CCDC138: variants seen among roughly 807,000 people sequenced by gnomAD.
The protein encoded by CCDC138 is coiled-coil domain containing 138.
Under a neutral mutation model 82.3 loss-of-function variants are expected in CCDC138, and 66 were observed. The ratio of observed to expected loss-of-function variants is 0.80; its 90% CI spans 0.66 to 0.98. The LOEUF (loss-of-function observed/expected upper bound fraction) is 0.98, where lower values mean the gene tolerates loss of function less well. Ranked by LOEUF, CCDC138 falls within the 50% of genes least tolerant of loss-of-function variation. The pLI is 0.00. For missense variants in CCDC138, 816 were observed against 758.9 expected (o/e 1.08, Z -0.88); for synonymous variants, 297 against 265.4 (o/e 1.12, Z -1.16).
intron 13 of CCDC138, among the ~76,000 whole-genome samples, chr2:108,865,573 A>T (rs531854679): frequency 2.0e-5 from 3 of 152,320 alleles, no homozygotes; most frequent in Admixed American, 2.0e-4. Context: ...GCCCTGACAG[A>T]AATTCTGGGA....
At chr2:108,876,837 AT>A (rs1361972384), downstream of CCDC138, among the ~76,000 whole-genome samples, 9 of 152,202 alleles carry the variant, frequency 5.9e-5, no homozygotes, top group African/African-American at 2.2e-4. Context: ...AAGGCAAGAC[AT>A]TTTTTAAACA....
intron 5 of CCDC138, among the ~76,000 whole-genome samples, chr2:108,797,539 G>A (rs1288509123): frequency 6.6e-6 from 1 of 152,134 alleles, no homozygotes; most frequent in Admixed American, 6.5e-5. Context: ...GAGGAGGTGA[G>A]TGGGTGGGGC....
At chr2:108,789,584 C>T (rs1679556850) in intron 3 of CCDC138, among the ~76,000 whole-genome samples, 1 of 152,102 alleles carries the variant, frequency 6.6e-6, no homozygotes, top group Non-Finnish European at 1.5e-5. Context: ...ATGAGCAAAA[C>T]TGTCCTGAAG....
chr2:108,806,815 A>G (rs1225332836), intron 7 of CCDC138, among the ~76,000 whole-genome samples: 2 of 152,236 alleles, frequency 1.3e-5, no homozygotes, highest in African/African-American at 4.8e-5. Flanking sequence ...TAATAATTTA[A>G]AAGCATTTCT....
chr2:108,880,602 C>T (rs559316983), downstream of CCDC138, among the ~76,000 whole-genome samples: 73 of 152,286 alleles, frequency 4.8e-4, no homozygotes, highest in African/African-American at 1.7e-3. Flanking sequence ...ATTTGCCATT[C>T]TGTAAATCCT....
intron 3 of CCDC138, 87 bp from the exon 4 acceptor site, chr2:108,791,588 T>C (rs1679917058): frequency 6.9e-7 from 1 of 1,439,116 alleles, no homozygotes; most frequent in South Asian, 1.2e-5. Flanking sequence ...TTCTCAGTTA[T>C]GCTGTTAATA....
intron 6 of CCDC138, 112 bp from the exon 7 acceptor site, chr2:108,804,777 A>T: frequency 9.7e-7 from 1 of 1,027,396 alleles, no homozygotes; most frequent in Non-Finnish European, 1.3e-6. Flanking sequence ...TACACTGATT[A>T]AAGTTTTTGT....
chr2:108,806,180 G>A (rs1388627107), intron 7 of CCDC138, among the ~76,000 whole-genome samples: 1 of 152,064 alleles, frequency 6.6e-6, no homozygotes, highest in Non-Finnish European at 1.5e-5. Flanking sequence ...TTAGACTTAT[G>A]AATTTGACAG....
chr2:108,880,660 A>G (rs139728240), downstream of CCDC138, among the ~76,000 whole-genome samples: 19 of 152,256 alleles, frequency 1.2e-4, no homozygotes, highest in Admixed American at 7.8e-4. Flanking sequence ...TACTCTATAA[A>G]TGGAAGAACA....
At chr2:108,848,876 T>G (rs1283492210) in intron 12 of CCDC138, among the ~76,000 whole-genome samples, 1 of 152,196 alleles carries the variant, frequency 6.6e-6, no homozygotes, top group Non-Finnish European at 1.5e-5. Context: ...TGCTTCCCTG[T>G]GCAAGTCATT....
chr2:108,821,618 A>G (rs1685717606), intron 10 of CCDC138, among the ~76,000 whole-genome samples: 1 of 152,124 alleles, frequency 6.6e-6, no homozygotes, highest in Non-Finnish European at 1.5e-5. Flanking sequence ...AAGCTACAAA[A>G]CATACAGAAA....
At chr2:108,798,099 A>G (rs74740277) in intron 5 of CCDC138, among the ~76,000 whole-genome samples, 9,030 of 152,098 alleles carry the variant, frequency 0.059, 316 homozygotes, top group South Asian at 0.14. Flanking sequence ...GGGTATAGGT[A>G]AAATAGTGGA....
At chr2:108,821,288 G>T (rs1685653616) in intron 10 of CCDC138, among the ~76,000 whole-genome samples, 1 of 152,126 alleles carries the variant, frequency 6.6e-6, no homozygotes, top group African/African-American at 2.4e-5. Flanking sequence ...AACCTGGGAG[G>T]CAGAGGTTGC....
At chr2:108,790,045 C>CT (rs766337118) in intron 3 of CCDC138, among the ~76,000 whole-genome samples, 3 of 152,044 alleles carry the variant, frequency 2.0e-5, no homozygotes, top group Non-Finnish European at 2.9e-5. Flanking sequence ...GGGAGCTTGA[C>CT]TTTTTTTAAT....
chr2:108,866,113 C>T (rs1694375534), intron 13 of CCDC138, among the ~76,000 whole-genome samples: 1 of 152,044 alleles, frequency 6.6e-6, no homozygotes, highest in Non-Finnish European at 1.5e-5. Context: ...GATGCAGGAG[C>T]CTCTTAAAGT....
intron 7 of CCDC138, among the ~76,000 whole-genome samples, chr2:108,809,448 TTG>T (rs56122981): frequency 0.57 from 79,980 of 140,782 alleles, 23,506 homozygotes; most frequent in East Asian, 0.8. Flanking sequence ...ACATGAAATG[TTG>T]TGTGTGTGTG....
chr2:108,831,649 C>T (rs1180467041), intron 10 of CCDC138, among the ~76,000 whole-genome samples: 1 of 151,724 alleles, frequency 6.6e-6, no homozygotes, highest in African/African-American at 2.4e-5. Flanking sequence ...AACTCAGGTT[C>T]CTAGGTTCTA....
At chr2:108,868,816 G>A (rs893402037) in intron 13 of CCDC138, among the ~76,000 whole-genome samples, 1 of 152,006 alleles carries the variant, frequency 6.6e-6, no homozygotes, top group Non-Finnish European at 1.5e-5. Flanking sequence ...AAAAGCTAAG[G>A]GTTTTTGGGC....
At chr2:108,789,809 A>G (rs573147258) in intron 3 of CCDC138, among the ~76,000 whole-genome samples, 1 of 152,184 alleles carries the variant, frequency 6.6e-6, no homozygotes, top group Non-Finnish European at 1.5e-5. Flanking sequence ...ACTATTTACT[A>G]TGGGGAAAAA....
Sources: gnomAD v4.1 joint callset for allele counts (sites outside exome capture counted in the v4.1 genomes callset) on GRCh38, gnomAD v4.1.1 for gene constraint, MANE v1.5 for transcripts, NCBI Gene and HGNC (gene_info 2026-07-23, HGNC 2026-07-21) for gene names.